The following LGSN variants were observed in gnomAD, a reference collection of about 807,000 sequenced individuals.
LGSN encodes the protein lengsin.
LGSN carries 21 observed loss-of-function variants against 19.5 expected under a neutral mutation model. The observed-to-expected ratio is 1.07, with a 90% confidence interval of 0.76 to 1.55. The LOEUF (loss-of-function observed/expected upper bound fraction) is 1.55, where lower values mean the gene tolerates loss of function less well. Among genes scored for constraint, LGSN ranks in the 40% most tolerant of loss-of-function variants. The probability of loss-of-function intolerance (pLI) is 0.00; values close to 1 mark genes in which losing one functional copy is unlikely to be tolerated. For missense variants in LGSN, 673 were observed against 608.5 expected (o/e 1.11, Z -1.12); for synonymous variants, 257 against 215.6 (o/e 1.19, Z -1.68).
At chr6:63,368,407 G>T in the LGSN span, among the ~76,000 whole-genome samples, 3 of 152,246 alleles carry the variant, frequency 2.0e-5, no homozygotes, top group South Asian at 6.2e-4. Flanking sequence ...TCTCACTCTT[G>T]TCCCCTCCGT....
At chr6:63,288,463 G>GAA (rs529865947) in intron 2 of LGSN, among the ~76,000 whole-genome samples, 2 of 139,968 alleles carry the variant, frequency 1.4e-5, no homozygotes, top group South Asian at 2.2e-4. Flanking sequence ...GAAAGGGCTG[G>GAA]AAAAAAAAAA....
the LGSN span, among the ~76,000 whole-genome samples, chr6:63,421,989 G>T: frequency 6.6e-6 from 1 of 152,048 alleles, no homozygotes; most frequent in Admixed American, 6.6e-5. Context: ...AACCCAAATG[G>T]TACAAACCCA....
chr6:63,404,478 T>C, the LGSN span, among the ~76,000 whole-genome samples: 1 of 152,254 alleles, frequency 6.6e-6, no homozygotes, highest in South Asian at 2.1e-4. Flanking sequence ...ATCAAGTAGG[T>C]GGTTATACAC....
chr6:63,449,505 A>T, the LGSN span, among the ~76,000 whole-genome samples: 6 of 151,524 alleles, frequency 4.0e-5, no homozygotes, highest in East Asian at 9.6e-4. Context: ...AGATCACACC[A>T]CTGCCCTCCA....
Position 63,300,829 on chromosome 6 carries a change from T to A in LGSN, c.31-5784A>T, listed in dbSNP as rs1032711475. 3.3e-5 allele frequency among the ~76,000 whole-genome samples: 5 copies of A among 152,204 alleles called. No individual in the cohort carries two copies. In the South Asian group the frequency reaches 1.0e-3, roughly 32 times the overall value. On this transcript the variant is annotated intron_variant, in intron 1 of 3. Coordinates refer to ENST00000370657, the MANE Select transcript of LGSN (RefSeq NM_016571.3). ...TTGAAAATGTAAATATATTTAGATC[T>A]ATTAAAAATAATTGAGGAAACATCT...
At chr6:63,510,660 A>ATTTTTTTTTTTTTT in the LGSN span, among the ~76,000 whole-genome samples, 2 of 111,980 alleles carry the variant, frequency 1.8e-5, no homozygotes, top group East Asian at 2.6e-4. Flanking sequence ...CAAGAAGCGA[A>ATTTTTTTTTTTTTT]TTTTTTTTTT....
the LGSN span, among the ~76,000 whole-genome samples, chr6:63,361,246 C>G: frequency 6.6e-6 from 1 of 152,192 alleles, no homozygotes; most frequent in Non-Finnish European, 1.5e-5. Flanking sequence ...TATGCCCTGC[C>G]CCCTGAGGTG....
the LGSN span, among the ~76,000 whole-genome samples, chr6:63,384,491 G>T: frequency 1.3e-5 from 1 of 79,100 alleles, no homozygotes; most frequent in African/African-American, 5.5e-5. Context: ...ATAACACCTT[G>T]TGTGTGTGTG....
At chr6:63,345,981 T>G in the LGSN span, among the ~76,000 whole-genome samples, 1,806 of 152,360 alleles carry the variant, frequency 0.012, 23 homozygotes, top group African/African-American at 0.04. Flanking sequence ...GAATTTACAC[T>G]AATTCTGCAT....
the LGSN span, among the ~76,000 whole-genome samples, chr6:63,384,277 C>T: frequency 8.5e-5 from 13 of 152,108 alleles, no homozygotes; most frequent in Non-Finnish European, 1.5e-4. Context: ...TAAGCCTATA[C>T]CAATAATTAT....
the LGSN span, among the ~76,000 whole-genome samples, chr6:63,376,115 A>T: frequency 6.6e-6 from 1 of 152,144 alleles, no homozygotes; most frequent in Non-Finnish European, 1.5e-5. Context: ...CACAGACCTT[A>T]CTTCATACCA....
chr6:63,383,114 ATTTGTTTGTTTG>A, the LGSN span, among the ~76,000 whole-genome samples: 23 of 151,942 alleles, frequency 1.5e-4, no homozygotes, highest in Non-Finnish European at 2.7e-4. Flanking sequence ...GAGCAGATTT[ATTTGTTTGTTTG>A]TTTGTTTGTT....
upstream of LGSN, among the ~76,000 whole-genome samples, chr6:63,322,590 A>G (rs1769110451): frequency 6.6e-6 from 1 of 152,132 alleles, no homozygotes. Context: ...GACACCCTTT[A>G]TTGAAGATAA....
At chr6:63,327,714 G>A in the LGSN span, among the ~76,000 whole-genome samples, 7 of 152,184 alleles carry the variant, frequency 4.6e-5, no homozygotes, top group Non-Finnish European at 1.0e-4. Flanking sequence ...AAGGAATAGG[G>A]TACACTGTTT....
intron 1 of LGSN, among the ~76,000 whole-genome samples, chr6:63,314,461 G>T (rs1481611522): frequency 1.3e-5 from 2 of 152,272 alleles, no homozygotes; most frequent in South Asian, 2.1e-4. Context: ...AGCCCAAACT[G>T]ACTGAGACAA....
At chr6:63,499,481 G>A in the LGSN span, among the ~76,000 whole-genome samples, 5 of 152,052 alleles carry the variant, frequency 3.3e-5, no homozygotes, top group African/African-American at 1.2e-4. Flanking sequence ...TATGGGTGGG[G>A]CTTTAAGAGT....
At chr6:63,412,446 G>GA in the LGSN span, among the ~76,000 whole-genome samples, 1 of 126,748 alleles carries the variant, frequency 7.9e-6, no homozygotes, top group African/African-American at 3.5e-5. Flanking sequence ...AAGAAAGCAA[G>GA]AAAGAAAGAA....
At chr6:63,365,212 A>C in the LGSN span, among the ~76,000 whole-genome samples, 1 of 152,216 alleles carries the variant, frequency 6.6e-6, no homozygotes, top group Admixed American at 6.5e-5. Flanking sequence ...AGAAGAAAAG[A>C]GAGAAGAATC....
chr6:63,450,575 A>G, the LGSN span, among the ~76,000 whole-genome samples: 1 of 151,684 alleles, frequency 6.6e-6, no homozygotes, highest in Non-Finnish European at 1.5e-5. Context: ...AAGAAAAATA[A>G]TTTTTTAAAA....
Sources: allele counts gnomAD v4.1 joint callset (sites outside exome capture counted in the v4.1 genomes callset), GRCh38; gene constraint gnomAD v4.1.1; transcripts MANE v1.5; gene names NCBI Gene and HGNC (gene_info 2026-07-23, HGNC 2026-07-21).